Variants in MICU3 observed in about 807,000 individuals in gnomAD.
MICU3 encodes calcium uptake protein 3, mitochondrial.
Under a neutral mutation model 66.5 loss-of-function variants are expected in MICU3, and 62 were observed. The ratio of observed to expected loss-of-function variants is 0.93; its 90% CI spans 0.76 to 1.15. MICU3 has a LOEUF of 1.15. Ranked by LOEUF, MICU3 falls within the 50% of genes most tolerant of loss-of-function variation. The pLI, the probability that MICU3 is intolerant of heterozygous loss-of-function variation, is 0.00. For synonymous variants in MICU3, 308 were observed against 240.7 expected, an observed-to-expected ratio of 1.28 and a Z score of -2.59; for missense variants, 779 against 664.4, an observed-to-expected ratio of 1.17 and a Z score of -1.90.
intron 3 of MICU3, among the ~76,000 whole-genome samples, chr8:17,075,961 A>G (rs765652824): frequency 1.1e-4 from 17 of 152,220 alleles, no homozygotes; most frequent in Non-Finnish European, 2.2e-4. Flanking sequence ...GTTAATATTT[A>G]TACAGTTACA....
Position 17,098,544 on chromosome 8 carries a change from C to A in MICU3, c.975C>A (p.Asp325Glu), listed in dbSNP as rs747691787. Residue 325 changes from aspartate to glutamate, a missense_variant, in exon 9 of 15, where the codon GAC (aspartate) becomes GAA (glutamate). Physicochemically the swap from Asp to Glu is conservative, Grantham distance 45 (BLOSUM62 2). Coordinates refer to ENST00000318063, the MANE Select transcript of MICU3 (RefSeq NM_181723.3). ...RRNTSQALFS[D>E]LAERADDITS... ...ACACAAGCCAAGCACTGTTTTCAGA[C>A]CTCGCAGAGGTATAATTAAACCTCA... 2.5e-6 allele frequency: 4 copies of A among 1,606,212 alleles called. No individual in the cohort carries two copies. Among genetic ancestry groups the A allele is most frequent in the Non-Finnish European group, 2.6e-6 (3 of 1,173,372 alleles).
At chr8:17,108,593 C>T (rs778473912) in intron 11 of MICU3, among the ~76,000 whole-genome samples, 11 of 152,062 alleles carry the variant, frequency 7.2e-5, no homozygotes, top group Non-Finnish European at 1.3e-4. Context: ...TCAAGAAATC[C>T]TATTGATACT....
chr8:17,075,246 G>C (rs959060408), intron 3 of MICU3, among the ~76,000 whole-genome samples: 3 of 152,144 alleles, frequency 2.0e-5, no homozygotes, highest in Non-Finnish European at 4.4e-5. Flanking sequence ...GCTCCTCTGA[G>C]CTTAGTGCTT....
At chr8:17,044,560 T>C (rs1814742809) in intron 1 of MICU3, among the ~76,000 whole-genome samples, 1 of 152,130 alleles carries the variant, frequency 6.6e-6, no homozygotes. Context: ...AACATTGTGG[T>C]ATATTGATTG....
At chr8:17,138,503 A>G in the MICU3 span, among the ~76,000 whole-genome samples, 1 of 152,138 alleles carries the variant, frequency 6.6e-6, no homozygotes, top group Admixed American at 6.6e-5. Flanking sequence ...AAATGCAAGA[A>G]TTTGCAAATG....
chr8:17,027,570 G>T lies in MICU3; in HGVS notation c.291G>T (p.Gly97=), dbSNP rs1479469212. 2 of 1,281,754 alleles carry T rather than the reference G, an allele frequency of 1.6e-6. No individual in the cohort carries two copies. The highest frequency in any genetic ancestry group is 4.1e-5 in the Admixed American group (1 of 24,100). 79.4% of individuals were successfully genotyped at this position (1,281,754 alleles called of 1,614,324 possible). A position where few individuals can be genotyped will look rare whatever the true frequency, so the allele number is the denominator to read the frequency against. The part of the protein sequence containing the change: ...GDPRAGSPAT[G]RPSKSAATEP... Reference sequence around the variant, plus strand: ...CCAGGGCCGGCTCGCCGGCGACCGGGCGACCCTCAAAGAGCGCGGCCACGG... The same window carrying T: ...CCAGGGCCGGCTCGCCGGCGACCGGTCGACCCTCAAAGAGCGCGGCCACGG... The change falls in exon 1 of 15, where the codon GGG becomes GGT. Residue 97 remains glycine, a synonymous_variant. Transcript: ENST00000318063.
Position 17,027,931 on chromosome 8 carries a change from C to T in MICU3, c.381+271C>T, listed in dbSNP as rs560490413. Among the ~76,000 whole-genome samples the T allele has an allele frequency of 2.2e-4, 34 of 152,232 alleles. No homozygotes were observed. The South Asian group carries it at 7.1e-3, about 32-fold the overall frequency. On this transcript the variant is annotated intron_variant, in intron 1 of 14. Transcript: ENST00000318063. Reference sequence around the variant, plus strand: ...AAACCCAAAACCAACACCCCTCCCCCTCTTACAAAAAAAGATTCAGAAATG... The same window carrying T: ...AAACCCAAAACCAACACCCCTCCCCTTCTTACAAAAAAAGATTCAGAAATG...
chr8:17,085,895 C>T (rs1473091461), intron 6 of MICU3, among the ~76,000 whole-genome samples: 1 of 152,120 alleles, frequency 6.6e-6, no homozygotes, highest in East Asian at 1.9e-4. Flanking sequence ...CTCAACTTCA[C>T]ATACCCTGCT....
chr8:17,078,420 A>T (rs1820703512), intron 4 of MICU3, among the ~76,000 whole-genome samples: 1 of 152,042 alleles, frequency 6.6e-6, no homozygotes, highest in African/African-American at 2.4e-5. Flanking sequence ...TCATTAATTT[A>T]AACATTTCCT....
chr8:17,089,060 C>G (rs1310339326), intron 7 of MICU3, among the ~76,000 whole-genome samples: 1 of 151,794 alleles, frequency 6.6e-6, no homozygotes, highest in Non-Finnish European at 1.5e-5. Flanking sequence ...ATTAAAATAA[C>G]TTTTAAGTAA....
At chr8:17,130,123 A>C in the MICU3 span, among the ~76,000 whole-genome samples, 3 of 152,220 alleles carry the variant, frequency 2.0e-5, no homozygotes, top group East Asian at 1.9e-4. Flanking sequence ...TTCTTTAGGC[A>C]ATTGGGGAAT....
chr8:17,138,109 A>G, the MICU3 span, among the ~76,000 whole-genome samples: 1 of 152,046 alleles, frequency 6.6e-6, no homozygotes, highest in Non-Finnish European at 1.5e-5. Flanking sequence ...TGCTCATGAT[A>G]CCAAAGATGT....
At chr8:17,108,234 TATCTC>T (rs1801901951) in intron 11 of MICU3, among the ~76,000 whole-genome samples, 2 of 152,164 alleles carry the variant, frequency 1.3e-5, no homozygotes. Context: ...TCCTAATAGT[TATCTC>T]AATGAAAAAT....
chr8:17,037,192 G>A (rs1005128010), intron 1 of MICU3, among the ~76,000 whole-genome samples: 30 of 152,146 alleles, frequency 2.0e-4, no homozygotes, highest in African/African-American at 5.1e-4. Context: ...TCCTGCTCGC[G>A]CCTCTCCCTC....
Position 17,118,693 on chromosome 8 carries a change from C to T in MICU3, c.1525-14C>T, listed in dbSNP as rs760648964. The T allele has an allele frequency of 4.4e-6, 7 of 1,583,772 alleles. No individual in the cohort carries two copies. Among genetic ancestry groups the T allele is most frequent in the Non-Finnish European group, 5.2e-6 (6 of 1,155,870 alleles). ...TTTCTGTACATTTGCACACTTTGCT[C>T]TTCTGTTTTACAGGGTTATAAAACA... is the stretch of plus-strand genomic sequence containing the variant. On this transcript the variant is annotated splice_polypyrimidine_tract_variant and intron_variant, in intron 13 of 14. Transcript: ENST00000318063.
the MICU3 span, chr8:17,131,124 A>G: frequency 6.6e-6 from 1 of 152,232 alleles, no homozygotes; most frequent in Non-Finnish European, 1.5e-5. Flanking sequence ...TAAACAAGGA[A>G]ATTTTAATGT....
intron 12 of MICU3, 86 bp from the exon 13 acceptor site, chr8:17,116,357 C>G (rs879132758): frequency 1.1e-6 from 1 of 885,912 alleles, no homozygotes; most frequent in South Asian, 3.7e-5. Context: ...ATTTAGAAAA[C>G]AACTTCTTTT....
rs1048339282 is a variant in MICU3, at chr8:17,105,071, A to T, written c.1086-342A>T. Among the ~76,000 whole-genome samples, 4 of 151,930 alleles carry T rather than the reference A, an allele frequency of 2.6e-5. No individual in the cohort carries two copies. The East Asian group carries it at 7.7e-4, about 29-fold the overall frequency. On this transcript the variant is annotated intron_variant, in intron 10 of 14. Coordinates refer to ENST00000318063, the MANE Select transcript of MICU3 (RefSeq NM_181723.3). ...GTTATCTCTTGTATATTCAGAAGAA[A>T]GTATGTTGCCAATTCCTTGTCTCAA...
rs188109296 is a variant in MICU3, at chr8:17,050,719, C to T, written c.382-13365C>T. On this transcript the variant is annotated intron_variant, in intron 1 of 14. Transcript: ENST00000318063. ...TGTAATATCTTTTTGGTGAGTTTTT[C>T]TTTGTCCCATTTAATGCTTTTGACT... Among the ~76,000 whole-genome samples, 844 of 152,182 alleles carry T rather than the reference C, an allele frequency of 5.5e-3. 17 individuals are homozygous for T. The highest frequency in any genetic ancestry group is 0.04 in the Admixed American group (610 of 15,272).
Sources: gnomAD v4.1 joint callset for allele counts (sites outside exome capture counted in the v4.1 genomes callset) on GRCh38, gnomAD v4.1.1 for gene constraint, MANE v1.5 for transcripts, NCBI Gene and HGNC (gene_info 2026-07-23, HGNC 2026-07-21) for gene names.